The following ACBD6 variants were observed in gnomAD, a reference collection of about 807,000 sequenced individuals.
The protein encoded by ACBD6 is acyl-CoA binding domain containing 6.
ACBD6 carries 28 observed loss-of-function variants against 37.2 expected under a neutral mutation model. The observed-to-expected ratio is 0.75, with a 90% CI of 0.56 to 1.03. ACBD6 has a LOEUF of 1.03. Ranked by LOEUF, ACBD6 falls within the 50% of genes least tolerant of loss-of-function variation. The pLI is 0.00. For synonymous variants in ACBD6, 113 were observed against 126.8 expected (o/e 0.89, Z 0.73); for missense variants, 340 against 337.4 (o/e 1.01, Z -0.06).
chr1:180,482,649 T>G (rs1651098711), intron 3 of ACBD6, among the ~76,000 whole-genome samples: 1 of 152,124 alleles, frequency 6.6e-6, no homozygotes, highest in Admixed American at 6.6e-5. Flanking sequence ...AAGGTTTTAC[T>G]AGATGCGAGT....
chr1:180,433,174 G>C (rs887941568), intron 3 of ACBD6, among the ~76,000 whole-genome samples: 1 of 152,014 alleles, frequency 6.6e-6, no homozygotes, highest in Admixed American at 6.5e-5. Context: ...TTAACATTAC[G>C]TTAAAAGGAT....
At chr1:180,471,676 G>GGA (rs1186615960) in intron 3 of ACBD6, among the ~76,000 whole-genome samples, 1 of 152,004 alleles carries the variant, frequency 6.6e-6, no homozygotes, top group African/African-American at 2.4e-5. Flanking sequence ...GAATAGCATG[G>GGA]GAGAGACCAG....
intron 6 of ACBD6, among the ~76,000 whole-genome samples, chr1:180,343,046 A>G (rs1208486511): frequency 6.6e-6 from 1 of 152,146 alleles, no homozygotes; most frequent in Non-Finnish European, 1.5e-5. Flanking sequence ...TATAAACAGC[A>G]GCAGAAACTA....
At chr1:180,306,487 G>A (rs937430234) in intron 7 of ACBD6, among the ~76,000 whole-genome samples, 8 of 152,008 alleles carry the variant, frequency 5.3e-5, no homozygotes, top group Non-Finnish European at 1.2e-4. Flanking sequence ...CTTCACCCAA[G>A]GTAATCATTA....
rs865967516 is a variant in ACBD6 at position 180,468,282 on chromosome 1, T to G, written c.384+23987A>C. The stretch of plus-strand genomic sequence containing the variant: ...AAGCAATTACTGAGGATAGAGATTC[T>G]GCCACCTTTGTCCCCCATGTCCTAA... On this transcript the variant is annotated intron_variant, in intron 3 of 7. Coordinates refer to ENST00000367595, the MANE Select transcript of ACBD6 (RefSeq NM_032360.4). 3.9e-5 allele frequency among the ~76,000 whole-genome samples: 6 copies of G among 152,342 alleles called. No homozygotes were observed. In the Middle Eastern group the frequency reaches 0.017, roughly 432 times the overall value.
intron 3 of ACBD6, among the ~76,000 whole-genome samples, chr1:180,478,680 C>T (rs1379288312): frequency 6.6e-6 from 1 of 152,144 alleles, no homozygotes; most frequent in Non-Finnish European, 1.5e-5. Context: ...GACGGGGTTT[C>T]ACCATGTTGG....
chr1:180,482,963 A>G (rs944332975), intron 3 of ACBD6, among the ~76,000 whole-genome samples: 2 of 152,188 alleles, frequency 1.3e-5, no homozygotes, highest in Non-Finnish European at 2.9e-5. Flanking sequence ...TTTCATGAAA[A>G]TATCATTTAG....
chr1:180,411,548 T>G (rs1460137909), intron 5 of ACBD6, among the ~76,000 whole-genome samples: 1 of 152,220 alleles, frequency 6.6e-6, no homozygotes, highest in African/African-American at 2.4e-5. Flanking sequence ...TGAAGCCAAG[T>G]CTGATGATTG....
intron 6 of ACBD6, among the ~76,000 whole-genome samples, chr1:180,387,942 G>A (rs373757295): frequency 5.3e-5 from 8 of 152,142 alleles, no homozygotes; most frequent in South Asian, 2.1e-4. Context: ...TTGGGAGGCC[G>A]AGGCGGGCAG....
At chr1:180,362,052 G>C (rs1412189960) in intron 6 of ACBD6, among the ~76,000 whole-genome samples, 1 of 151,628 alleles carries the variant, frequency 6.6e-6, no homozygotes, top group Non-Finnish European at 1.5e-5. Flanking sequence ...TTCCTCTCCT[G>C]AATCATCACC....
chr1:180,490,754 C>T (rs888540175), intron 3 of ACBD6, among the ~76,000 whole-genome samples: 68 of 149,830 alleles, frequency 4.5e-4, no homozygotes, highest in African/African-American at 1.7e-3. Context: ...CCACTGCACT[C>T]CAGCCTGGGC....
chr1:180,331,593 T>A (rs1191661473), intron 6 of ACBD6, among the ~76,000 whole-genome samples: 1 of 152,220 alleles, frequency 6.6e-6, no homozygotes, highest in Non-Finnish European at 1.5e-5. Flanking sequence ...TATACCTAAG[T>A]GAATTGGGCT....
intron 9 of ACBD6, chr1:180,276,143 G>T (rs1490916810): frequency 2.0e-5 from 3 of 152,200 alleles, no homozygotes; most frequent in Non-Finnish European, 4.4e-5. Flanking sequence ...AGCAGAGTAG[G>T]AAAGGGTGAG....
chr1:180,406,215 AAAT>A (rs1432697366), intron 5 of ACBD6, among the ~76,000 whole-genome samples: 1 of 152,158 alleles, frequency 6.6e-6, no homozygotes, highest in Non-Finnish European at 1.5e-5. Context: ...CCCTTATCCC[AAAT>A]GCTGGGGACC....
chr1:180,317,471 C>T (rs950040385), intron 6 of ACBD6, among the ~76,000 whole-genome samples: 4 of 152,088 alleles, frequency 2.6e-5, no homozygotes, highest in Admixed American at 2.6e-4. Context: ...TGCCACTGAA[C>T]TGTACATGTA....
chr1:180,411,139 T>C lies in ACBD6; in HGVS notation c.573+2227A>G, dbSNP rs576211443. On this transcript the variant is annotated intron_variant, in intron 5 of 7. Transcript: ENST00000367595. ...ATGTGATGGAATTGCTACAATTTCATGATAAAACTTGAACAGATGAGGAGT... is the reference window on the plus strand; with the variant it reads ...ATGTGATGGAATTGCTACAATTTCACGATAAAACTTGAACAGATGAGGAGT... Among the ~76,000 whole-genome samples the C allele has an allele frequency of 2.0e-5, 3 of 152,350 alleles. No individual in the cohort carries two copies. In the South Asian group the frequency reaches 6.2e-4, roughly 32 times the overall value.
At chr1:180,500,132 TAAA>T (rs778814281) in intron 1 of ACBD6, among the ~76,000 whole-genome samples, 7 of 133,284 alleles carry the variant, frequency 5.3e-5, no homozygotes, top group Admixed American at 7.5e-5. Flanking sequence ...CTTTTTTAGT[TAAA>T]AAAAAAAAAA....
At chr1:180,374,265 C>A (rs10798752) in intron 6 of ACBD6, among the ~76,000 whole-genome samples, 113,565 of 151,814 alleles carry the variant, frequency 0.75, 44,501 homozygotes, top group Non-Finnish European at 0.88. Context: ...CCCTCTCCCC[C>A]CTTACACTCA....
chr1:180,502,251 G>A lies in ACBD6; in HGVS notation c.16C>T (p.Leu6=). ...TCGCCGGTGATGGCCCCCGCGGGCA[G>A]GAATGATGAAGCCATGTCTCCTTGC... MASSF[L]PAGAITGDSG... is the part of the protein sequence containing the mutation. The change falls in exon 1 of 8, where the codon CTG becomes TTG. Residue 6 remains leucine (L), a synonymous_variant. Transcript: ENST00000367595. 6.2e-7 allele frequency: 1 copy of A among 1,613,440 alleles called. No individual in the cohort carries two copies. Among genetic ancestry groups the A allele is most frequent in the East Asian group, 2.2e-5 (1 of 44,870 alleles).
Sources: gnomAD v4.1 joint callset for allele counts (sites outside exome capture counted in the v4.1 genomes callset) on GRCh38, gnomAD v4.1.1 for gene constraint, MANE v1.5 for transcripts, NCBI Gene and HGNC (gene_info 2026-07-23, HGNC 2026-07-21) for gene names.